MYO18B: variants seen among roughly 807,000 people sequenced by gnomAD.
MYO18B encodes the protein unconventional myosin-XVIIIb.
Under a neutral mutation model 273.0 loss-of-function variants are expected in MYO18B, and 204 were observed. That is an observed-to-expected ratio of 0.75 (90% CI 0.67 to 0.84). The LOEUF is 0.84. Among genes scored for constraint, MYO18B ranks in the 40% least tolerant of loss-of-function variants. The pLI, the probability that MYO18B is intolerant of heterozygous loss-of-function variation, is 0.00. For synonymous variants in MYO18B, 1,330 were observed against 1,305.7 expected, an observed-to-expected ratio of 1.02 and a Z score of -0.40; for missense variants, 3,212 against 3,287.6, an observed-to-expected ratio of 0.98 and a Z score of 0.56.
chr22:25,750,323 T>C (rs1227314555), intron 1 of MYO18B, among the ~76,000 whole-genome samples: 1 of 152,154 alleles, frequency 6.6e-6, no homozygotes, highest in Non-Finnish European at 1.5e-5. Flanking sequence ...ATGATTCCCA[T>C]TAGCTTAACC....
At chr22:25,910,858 C>A (rs2092143141) in intron 32 of MYO18B, 88 bp from the exon 33 acceptor site, 1 of 1,033,044 alleles carries the variant, frequency 9.7e-7, no homozygotes, top group Non-Finnish European at 1.5e-6. Flanking sequence ...GCTCTACATT[C>A]CTCCGCCTTC....
chr22:25,760,104 T>C (rs575937735), intron 1 of MYO18B, among the ~76,000 whole-genome samples: 6 of 152,242 alleles, frequency 3.9e-5, no homozygotes, highest in Non-Finnish European at 7.4e-5. Flanking sequence ...CCATGATTCA[T>C]GGTGTTAGAA....
At position 25,909,422 on chromosome 22, in the gene MYO18B, G is replaced by A. The variant is rs6004824; in HGVS notation, c.5259+990G>A. 7.4e-3 allele frequency among the ~76,000 whole-genome samples: 1,123 copies of A among 152,294 alleles called. 12 individuals carry two copies. Among genetic ancestry groups the A allele is most frequent in the African/African-American group, 0.026 (1,076 of 41,548 alleles). ...TTCTAAAAACAGATATAAAGAGAGC[G>A]CCTTGTATTTCTCTCCATCCTAAAC... On this transcript the variant is annotated intron_variant, in intron 32 of 43. Transcript: ENST00000335473.
In MYO18B at chr22:25,946,141, A is replaced by T. The variant is rs1351470269; in HGVS notation, c.5522A>T (p.Glu1841Val). The change falls in exon 35 of 44, where the codon GAG becomes GTG. Residue 1841 changes from glutamate (E) to valine (V), a missense_variant. Physicochemically the swap from Glu to Val is moderately radical, Grantham distance 121. Coordinates refer to ENST00000335473, the MANE Select transcript of MYO18B (RefSeq NM_032608.7). ...EELEKVHSQL[E>V]QSEAKCEEAL... ...TCCACCTCTTGCCTGGTCCAGCTGG[A>T]GCAGAGTGAAGCCAAGTGTGAGGAG... is the stretch of plus-strand genomic sequence containing the variant. 6 of 1,538,320 alleles carry T rather than the reference A, an allele frequency of 3.9e-6. No homozygotes were observed. In the Admixed American group the frequency reaches 8.1e-5, roughly 21 times the overall value.
In MYO18B at chr22:25,895,188, C is replaced by T. The variant is rs1228417767; in HGVS notation, c.4576C>T (p.Gln1526Ter). 6.2e-7 allele frequency: 1 copy of T among 1,612,182 alleles called. No individual in the cohort carries two copies. Among genetic ancestry groups the T allele is most frequent in the East Asian group, 2.2e-5 (1 of 44,824 alleles). ...DEWQMRFDCA[Q>*]MENEFLRKRL... is the part of the protein sequence containing the mutation. ...GTGGCAGATGCGCTTCGACTGTGCT[C>T]AGATGGAGAACGAGTTCCTCAGAAA... Residue 1526 changes from glutamine to a stop codon, truncating the protein, a stop_gained, in exon 28 of 44, where the codon CAG becomes TAG. Transcript: ENST00000335473. LOFTEE classifies it high-confidence loss of function.
chr22:26,041,724 G>A, the MYO18B span, among the ~76,000 whole-genome samples: 21,695 of 152,054 alleles, frequency 0.14, 2,321 homozygotes, highest in African/African-American at 0.3. Flanking sequence ...CCAAGTGAGG[G>A]ATGAAGATGG....
chr22:25,903,892 A>G, intron 31 of MYO18B, 61 bp downstream of exon 31: 4 of 1,516,970 alleles, frequency 2.6e-6, no homozygotes, highest in Non-Finnish European at 3.6e-6. Context: ...GAGTGATGTT[A>G]TTAAAATACA....
At position 25,760,990 on chromosome 22, in the gene MYO18B, G is replaced by GTCCA; in HGVS notation, c.-100_-97dup. The GTCCA allele has an allele frequency of 7.9e-7, 1 of 1,270,084 alleles. No homozygotes were observed. The highest frequency in any genetic ancestry group is 1.1e-6 in the Non-Finnish European group (1 of 875,676). The allele number at this position is 1,270,084 out of a possible 1,614,324, so 78.7% of individuals were successfully genotyped here. A position where few individuals can be genotyped will look rare whatever the true frequency, so the allele number is the denominator to read the frequency against. ...CTGTGTCCCTGTGTGTCAGTTCTGT[G>GTCCA]TCCATCTCATGTGCTGCGTGTGTCT... is the stretch of plus-strand genomic sequence containing the variant. On this transcript the variant is annotated 5_prime_UTR_variant, in exon 2 of 44. Coordinates refer to ENST00000335473, the MANE Select transcript of MYO18B (RefSeq NM_032608.7).
In MYO18B at chr22:25,887,228, G is replaced by C. The variant is rs577113705; in HGVS notation, c.4315-3528G>C. On this transcript the variant is annotated intron_variant, in intron 25 of 43. Transcript: ENST00000335473. ...GTGGGGTCCTTCAGAACAGGACCTG[G>C]CACACAGTAAGTGCTCACATAGTGC... Among the ~76,000 whole-genome samples, 31 of 152,230 alleles carry C rather than the reference G, an allele frequency of 2.0e-4. No homozygotes were observed. The South Asian group carries it at 4.6e-3, about 22-fold the overall frequency.
In MYO18B at chr22:25,835,428, G is replaced by A. The variant is rs967276600; in HGVS notation, c.3193G>A (p.Gly1065Arg). ...TCTGTGTGCTGCTTTCGAGAAGAAAGGAGCTGGGACTGAAGGTAAGGAAGC... is the reference window on the plus strand; with the variant it reads ...TCTGTGTGCTGCTTTCGAGAAGAAAAGAGCTGGGACTGAAGGTAAGGAAGC... ...ERLCAAFEKKGAGTEGSSALR... is the reference protein window; with the variant it reads ...ERLCAAFEKKRAGTEGSSALR... Residue 1065 changes from glycine to arginine, a missense_variant, in exon 17 of 44, where the codon GGA becomes AGA. Transcript: ENST00000335473. 8.7e-6 allele frequency: 14 copies of A among 1,613,792 alleles called. No individual in the cohort carries two copies. The African/African-American group carries it at 1.7e-4, about 20-fold the overall frequency.
chr22:25,762,518 C>T (rs996050108), intron 2 of MYO18B, among the ~76,000 whole-genome samples: 2 of 152,284 alleles, frequency 1.3e-5, no homozygotes, highest in Non-Finnish European at 2.9e-5. Context: ...CTGTAGCCAA[C>T]AGCGGGGTCT....
chr22:25,940,255 A>G (rs535990235), intron 34 of MYO18B, among the ~76,000 whole-genome samples: 37 of 150,770 alleles, frequency 2.5e-4, no homozygotes, highest in African/African-American at 8.8e-4. Context: ...AGTCTTTCCC[A>G]TGCTGGTCTT....
At chr22:25,859,898 G>C (rs1345297241) in intron 21 of MYO18B, among the ~76,000 whole-genome samples, 1 of 152,044 alleles carries the variant, frequency 6.6e-6, no homozygotes. Context: ...TCATATCTAA[G>C]AACGCTTTAC....
chr22:26,026,745 C>G lies in MYO18B; in HGVS notation c.6771C>G (p.Leu2257=). ...SAALSEFVEG[L]RRKRAQRGQG... ...CCCTCTCGGAGTTCGTGGAAGGGCTCCGGAGGAAGAGAGCCCAGAGAGGCC... is the reference window on the plus strand; with the variant it reads ...CCCTCTCGGAGTTCGTGGAAGGGCTGCGGAGGAAGAGAGCCCAGAGAGGCC... Residue 2257 remains leucine, a synonymous_variant, in exon 43 of 44, where the codon CTC becomes CTG. Coordinates refer to ENST00000335473, the MANE Select transcript of MYO18B (RefSeq NM_032608.7). The G allele has an allele frequency of 6.2e-7, 1 of 1,612,974 alleles. No homozygotes were observed. Among genetic ancestry groups the G allele is most frequent in the Non-Finnish European group, 8.5e-7 (1 of 1,179,498 alleles).
intron 19 of MYO18B, 45 bp downstream of exon 19, chr22:25,846,328 C>G (rs754406665): frequency 6.3e-7 from 1 of 1,593,184 alleles, no homozygotes; most frequent in Non-Finnish European, 8.5e-7. Context: ...TTCACTGCCT[C>G]CATCCTCATC....
downstream of MYO18B, among the ~76,000 whole-genome samples, chr22:26,032,254 G>A (rs548428421): frequency 9.9e-5 from 15 of 152,258 alleles, no homozygotes; most frequent in South Asian, 2.1e-4. Context: ...AAATTCCACC[G>A]CCTGGGTGGC....
At position 25,921,070 on chromosome 22, in the gene MYO18B, T is replaced by C. The variant is rs192360556; in HGVS notation, c.5365-187T>C. 2.0e-3 allele frequency among the ~76,000 whole-genome samples: 312 copies of C among 152,350 alleles called. 1 individual carries two copies. The highest frequency in any genetic ancestry group is 7.1e-3 in the African/African-American group (295 of 41,578). On this transcript the variant is annotated intron_variant, in intron 33 of 43. Transcript: ENST00000335473. ...GTATTTAATTTTCACAGCAGCCCAATGTGGTTGGTGCCAATCCCATTTCTC... is the reference window on the plus strand; with the variant it reads ...GTATTTAATTTTCACAGCAGCCCAACGTGGTTGGTGCCAATCCCATTTCTC...
chr22:25,771,287 T>C (rs1167184283), intron 6 of MYO18B, among the ~76,000 whole-genome samples: 1 of 152,214 alleles, frequency 6.6e-6, no homozygotes, highest in Non-Finnish European at 1.5e-5. Flanking sequence ...AGAAAATGAC[T>C]GCTTTTAATT....
Position 25,787,272 on chromosome 22 carries a change from G to GCGCACACACACACACACA in MYO18B, c.2376+1782_2376+1783insGCACACACACACACACAC, listed in dbSNP as rs1482737296. ...TAAGCCTGTGTGCGTGCAGGCGCGCGCACACACACACACACACACACACAC... is the reference window on the plus strand; with the variant it reads ...TAAGCCTGTGTGCGTGCAGGCGCGCGCGCACACACACACACACACACACACACACACACACACACACAC... On this transcript the variant is annotated intron_variant, in intron 11 of 43. Coordinates refer to ENST00000335473, the MANE Select transcript of MYO18B (RefSeq NM_032608.7). 2.9e-5 allele frequency among the ~76,000 whole-genome samples: 4 copies of GCGCACACACACACACACA among 136,712 alleles called. No individual in the cohort carries two copies. The South Asian group carries it at 1.1e-3, about 39-fold the overall frequency. The allele number at this position is 136,712 out of a possible 152,430, so 89.7% of individuals were successfully genotyped here. A position where few individuals can be genotyped will look rare whatever the true frequency, so the allele number is the denominator to read the frequency against.
Sources: gnomAD v4.1 joint callset for allele counts (sites outside exome capture counted in the v4.1 genomes callset) on GRCh38, gnomAD v4.1.1 for gene constraint, MANE v1.5 for transcripts, NCBI Gene and HGNC (gene_info 2026-07-23, HGNC 2026-07-21) for gene names.